PUM2: variants seen among roughly 807,000 people sequenced by gnomAD.
The protein encoded by PUM2 is pumilio RNA binding family member 2, also known as pumilio homolog 2.
A neutral mutation model predicts 124.5 loss-of-function variants in PUM2; 57 were observed. The ratio of observed to expected loss-of-function variants is 0.46; its 90% CI spans 0.37 to 0.57. The LOEUF is 0.57. Ranked by LOEUF, PUM2 falls within the 20% of genes least tolerant of loss-of-function variation. PUM2 has a pLI of 0.00. For synonymous variants in PUM2, 460 were observed against 446.1 expected (o/e 1.03, Z -0.39); for missense variants, 1,065 against 1,290.6 (o/e 0.83, Z 2.68).
At chr2:20,314,674 C>A (rs1680447214) in intron 3 of PUM2, among the ~76,000 whole-genome samples, 2 of 152,020 alleles carry the variant, frequency 1.3e-5, no homozygotes, top group South Asian at 4.2e-4. Context: ...TTTGTTAAAC[C>A]AAATCAAAAC....
At chr2:20,255,413 TTG>T in intron 17 of PUM2, 72 bp from the exon 18 acceptor site, 76 of 1,455,884 alleles carry the variant, frequency 5.2e-5, no homozygotes, top group East Asian at 7.0e-5. Flanking sequence ...GCAGACTGGT[TTG>T]TTTTTTTTTT....
At chr2:20,336,748 C>CTG (rs70939037) in intron 1 of PUM2, among the ~76,000 whole-genome samples, 2,522 of 97,344 alleles carry the variant, frequency 0.026, 31 homozygotes, top group Non-Finnish European at 0.029. Context: ...CCAGGCTGAT[C>CTG]TGTGTGTGTG....
At position 20,308,553 on chromosome 2, in the gene PUM2, T is replaced by C. The variant is rs982437904; in HGVS notation, c.550A>G (p.Thr184Ala). 8 of 1,613,838 alleles carry C rather than the reference T, an allele frequency of 5.0e-6. No homozygotes were observed. Among genetic ancestry groups the C allele is most frequent in the Non-Finnish European group, 6.8e-6 (8 of 1,179,802 alleles). Residue 184 changes from threonine (T) to alanine (A), a missense_variant, in exon 6 of 21, where the codon ACT becomes GCT. Thr to Ala is a moderately conservative substitution (Grantham distance 58, BLOSUM62 0). Coordinates refer to ENST00000361078, the MANE Select transcript of PUM2 (RefSeq NM_015317.5). ...RTPGSRQASP[T>A]EVVERLGPNT... is the part of the protein sequence containing the mutation. ...GGGCCCAAGCGCTCAACTACTTCAG[T>C]TGGAGAGGCTTGACGACTTCCAGGA...
At chr2:20,336,278 C>A (rs1685999236) in intron 1 of PUM2, among the ~76,000 whole-genome samples, 1 of 151,856 alleles carries the variant, frequency 6.6e-6, no homozygotes, top group South Asian at 2.1e-4. Flanking sequence ...GCCTTGACCT[C>A]CTGGGCTAGT....
rs1244996096 is a variant in PUM2 at position 20,254,846 on chromosome 2, A to G, written c.2870+17T>C. 1.9e-6 allele frequency: 3 copies of G among 1,607,748 alleles called. No individual in the cohort carries two copies. Among genetic ancestry groups the G allele is most frequent in the Non-Finnish European group, 2.5e-6 (3 of 1,177,452 alleles). The stretch of plus-strand genomic sequence containing the variant: ...GTTGAAAGAATTGACCCTTAAAATT[A>G]CAAAGTATTACAATACCTGGCAAAT... On this transcript the variant is annotated intron_variant, in intron 19 of 20. Coordinates refer to ENST00000361078, the MANE Select transcript of PUM2 (RefSeq NM_015317.5).
chr2:20,295,400 C>T (rs1048939133), intron 8 of PUM2, among the ~76,000 whole-genome samples: 1 of 151,992 alleles, frequency 6.6e-6, no homozygotes, highest in African/African-American at 2.4e-5. Flanking sequence ...CTCGGTTTCA[C>T]GTTGCATTCA....
At chr2:20,326,252 T>C in intron 2 of PUM2, 1 of 1,302,790 alleles carries the variant, frequency 7.7e-7, no homozygotes. Context: ...CTTAAGCACC[T>C]TAACTCACCC....
chr2:20,327,473 A>T, intron 1 of PUM2, 95 bp from the exon 2 acceptor site: 1 of 751,912 alleles, frequency 1.3e-6, no homozygotes. Context: ...GACTAATATT[A>T]GCATGATCTG....
upstream of PUM2, chr2:20,350,930 T>G: frequency 3.3e-6 from 1 of 306,406 alleles, no homozygotes; most frequent in Non-Finnish European, 4.8e-6. Context: ...TTTTAATGCC[T>G]TGCGTCCCTG....
At chr2:20,261,910 AG>A (rs370679153) in intron 14 of PUM2, among the ~76,000 whole-genome samples, 1,692 of 152,126 alleles carry the variant, frequency 0.011, 31 homozygotes, top group African/African-American at 0.039. Flanking sequence ...CTGGCAACAC[AG>A]TGAGACCCTG....
intron 11 of PUM2, 49 bp downstream of exon 11, chr2:20,283,294 T>C: frequency 6.2e-7 from 1 of 1,607,506 alleles, no homozygotes; most frequent in Non-Finnish European, 8.5e-7. Flanking sequence ...TTAAAAATGG[T>C]ATCTCAACAC....
chr2:20,347,511 AC>A lies in PUM2; in HGVS notation c.-19+3085del, dbSNP rs1162225421. Among the ~76,000 whole-genome samples the A allele has an allele frequency of 1.2e-4, 19 of 152,348 alleles. No individual in the cohort carries two copies. In the East Asian group the frequency reaches 3.3e-3, roughly 26 times the overall value. Reference sequence around the variant, plus strand: ...CACTGGAAAAGCTTGAAAATAGAAAACTTCCACTTTTTCAACTACAAAAGCA... The same window carrying A: ...CACTGGAAAAGCTTGAAAATAGAAAATTCCACTTTTTCAACTACAAAAGCA... On this transcript the variant is annotated intron_variant, in intron 1 of 20. Coordinates refer to ENST00000361078, the MANE Select transcript of PUM2 (RefSeq NM_015317.5).
chr2:20,260,593 A>C (rs895380193), intron 14 of PUM2, 127 bp from the exon 15 acceptor site: 2 of 802,262 alleles, frequency 2.5e-6, no homozygotes, highest in African/African-American at 3.5e-5. Flanking sequence ...TATAGTAGAC[A>C]GCTAACTTAC....
rs1340048388 is a variant in PUM2 at position 20,249,805 on chromosome 2, TTA to T, written c.*1778_*1779del. ...TTCAACAAAATACAAAGCACTTTCT[TTA>T]TCTTTCAGAAACTGAATATACACAG... On this transcript the variant is annotated 3_prime_UTR_variant, in exon 21 of 21. Coordinates refer to ENST00000361078, the MANE Select transcript of PUM2 (RefSeq NM_015317.5). 6.5e-6 allele frequency: 1 copy of T among 152,674 alleles called. No individual in the cohort carries two copies. The highest frequency in any genetic ancestry group is 1.5e-5 in the Non-Finnish European group (1 of 68,046). 9.5% of individuals were successfully genotyped at this position (152,674 alleles called of 1,614,324 possible).
At chr2:20,322,352 G>A (rs1017067484) in intron 2 of PUM2, among the ~76,000 whole-genome samples, 3 of 152,134 alleles carry the variant, frequency 2.0e-5, no homozygotes, top group African/African-American at 7.2e-5. Context: ...ACTGAGGGAG[G>A]TGAGAAGATA....
At position 20,308,691 on chromosome 2, in the gene PUM2, A is replaced by G; in HGVS notation, c.519-107T>C. The G allele has an allele frequency of 7.1e-6, 8 of 1,134,666 alleles. No individual in the cohort carries two copies. The South Asian group carries it at 1.3e-4, about 19-fold the overall frequency. The allele number at this position is 1,134,666 out of a possible 1,614,324, so 70.3% of individuals were successfully genotyped here. ...AACAAATGGTCATAAAACACAATGA[A>G]TAAGGCATTCTGGGTCACTATGCCA... On this transcript the variant is annotated intron_variant, in intron 5 of 20. Coordinates refer to ENST00000361078, the MANE Select transcript of PUM2 (RefSeq NM_015317.5).
intron 12 of PUM2, among the ~76,000 whole-genome samples, chr2:20,282,127 TG>T (rs1465666719): frequency 2.6e-5 from 4 of 152,190 alleles, no homozygotes; most frequent in Admixed American, 1.3e-4. Context: ...CCGATAGAAC[TG>T]GGTCAGCTGT....
At position 20,267,026 on chromosome 2, in the gene PUM2, C is replaced by CTTTTTTTTTTTTTT. The variant is rs373222999; in HGVS notation, c.1958-3580_1958-3567dup. 2.0e-3 allele frequency among the ~76,000 whole-genome samples: 286 copies of CTTTTTTTTTTTTTT among 142,758 alleles called. 2 individuals carry two copies. Among genetic ancestry groups the CTTTTTTTTTTTTTT allele is most frequent in the African/African-American group, 7.2e-3 (278 of 38,862 alleles). 93.7% of individuals were successfully genotyped at this position (142,758 alleles called of 152,430 possible). On this transcript the variant is annotated intron_variant, in intron 13 of 20. Transcript: ENST00000361078. Reference sequence around the variant, plus strand: ...TGAGTAAGGGACATCATGCCTGTAACTTTTTTTTTTTTTTTGAGACAGGTC... The same window carrying CTTTTTTTTTTTTTT: ...TGAGTAAGGGACATCATGCCTGTAACTTTTTTTTTTTTTTTTTTTTTTTTTTTTTGAGACAGGTC...
In PUM2 at chr2:20,312,422, G is replaced by C. The variant is rs139654340; in HGVS notation, c.162C>G (p.His54Gln). 9.3e-6 allele frequency: 15 copies of C among 1,611,394 alleles called. No individual in the cohort carries two copies. The highest frequency in any genetic ancestry group is 1.3e-5 in the Non-Finnish European group (15 of 1,178,970). Residue 54 changes from histidine (H) to glutamine (Q), a missense_variant and splice_region_variant, in exon 4 of 21, where the codon CAC becomes CAG. His to Gln is a conservative substitution (Grantham distance 24, BLOSUM62 0). Coordinates refer to ENST00000361078, the MANE Select transcript of PUM2 (RefSeq NM_015317.5). ...CCATAATAGGCTGGGACATTGAATG[G>C]TCTGTTTGGAAGAAAAAACACAATT... The part of the protein sequence containing the change: ...EWRETAWGAS[H>Q]HSMSQPIMVQ...
Sources: gnomAD v4.1 joint callset for allele counts (sites outside exome capture counted in the v4.1 genomes callset) on GRCh38, gnomAD v4.1.1 for gene constraint, MANE v1.5 for transcripts, NCBI Gene and HGNC (gene_info 2026-07-23, HGNC 2026-07-21) for gene names.